Variants in TCF4 observed in about 807,000 individuals in gnomAD.
TCF4 encodes SL3-3 enhancer factor 2.
In TCF4, 3 loss-of-function variants were observed where a neutral mutation model predicts 82.1. That is an observed-to-expected ratio of 0.04 (90% confidence interval 0.02 to 0.09). The LOEUF is 0.09. Among genes scored for constraint, TCF4 ranks in the 10% least tolerant of loss-of-function variants. The probability of loss-of-function intolerance (pLI) is 1.00; values close to 1 mark genes in which losing one functional copy is unlikely to be tolerated. For synonymous variants in TCF4, 276 were observed against 309.6 expected (o/e 0.89, Z 1.14); for missense variants, 518 against 852.7 (o/e 0.61, Z 4.89).
At chr18:55,388,231 C>T (rs1569313497) in intron 6 of TCF4, among the ~76,000 whole-genome samples, 2 of 152,212 alleles carry the variant, frequency 1.3e-5, no homozygotes, top group Non-Finnish European at 2.9e-5. Flanking sequence ...TTCTCCCCAT[C>T]CTCTGCCAAG....
chr18:55,508,652 T>C (rs1228424508), intron 3 of TCF4, among the ~76,000 whole-genome samples: 1 of 152,192 alleles, frequency 6.6e-6, no homozygotes, highest in African/African-American at 2.4e-5. Flanking sequence ...GTGGTCGAGC[T>C]GAGATTTAGA....
chr18:55,451,480 C>T (rs2095622060), intron 5 of TCF4, among the ~76,000 whole-genome samples: 1 of 152,184 alleles, frequency 6.6e-6, no homozygotes, highest in Non-Finnish European at 1.5e-5. Flanking sequence ...CCCCTGAAGA[C>T]CTAGAATCCA....
At chr18:55,434,489 G>A (rs1168660612) in intron 5 of TCF4, among the ~76,000 whole-genome samples, 3 of 142,100 alleles carry the variant, frequency 2.1e-5, no homozygotes, top group Non-Finnish European at 4.5e-5. Context: ...GCGCGATCTC[G>A]GCTCACTGCA....
chr18:55,283,602 T>C (rs962763350), intron 8 of TCF4, among the ~76,000 whole-genome samples: 1 of 152,212 alleles, frequency 6.6e-6, no homozygotes, highest in African/African-American at 2.4e-5. Context: ...AAGGCTGACG[T>C]ATCATAAGAA....
chr18:55,388,888 C>A (rs2092825054), intron 6 of TCF4, among the ~76,000 whole-genome samples: 1 of 152,056 alleles, frequency 6.6e-6, no homozygotes, highest in East Asian at 1.9e-4. Context: ...CTTTGGGAGG[C>A]CGAGGCGGGT....
chr18:55,403,563 A>G, intron 5 of TCF4, 45 bp from the exon 6 acceptor site: 1 of 1,601,554 alleles, frequency 6.2e-7, no homozygotes, highest in Non-Finnish European at 8.5e-7. Context: ...GTTTTTCCTT[A>G]AAAAAAAATC....
intron 3 of TCF4, among the ~76,000 whole-genome samples, chr18:55,516,579 G>A (rs903291163): frequency 6.6e-6 from 1 of 152,160 alleles, no homozygotes. Context: ...TAGGAAACAC[G>A]ATGGTGAGCA....
At chr18:55,393,856 T>C (rs1473848476) in intron 6 of TCF4, among the ~76,000 whole-genome samples, 3 of 152,250 alleles carry the variant, frequency 2.0e-5, no homozygotes, top group Non-Finnish European at 2.9e-5. Flanking sequence ...GTCTGCAATA[T>C]GATCTTTGCA....
chr18:55,420,436 G>A (rs1332800340), intron 5 of TCF4, among the ~76,000 whole-genome samples: 3 of 152,048 alleles, frequency 2.0e-5, no homozygotes, highest in Non-Finnish European at 2.9e-5. Flanking sequence ...CTTCTAACCC[G>A]CTTTTGGAAA....
intron 8 of TCF4, among the ~76,000 whole-genome samples, chr18:55,317,635 G>T (rs2074478810): frequency 6.6e-6 from 1 of 152,004 alleles, no homozygotes; most frequent in Non-Finnish European, 1.5e-5. Context: ...TGATAAATGA[G>T]AAAAAGCTAC....
At chr18:55,329,189 C>T (rs1287616209) in intron 8 of TCF4, among the ~76,000 whole-genome samples, 3 of 152,212 alleles carry the variant, frequency 2.0e-5, no homozygotes, top group Non-Finnish European at 4.4e-5. Flanking sequence ...TCTAAGTTCC[C>T]TCAAGGCCAA....
intron 17 of TCF4, chr18:55,230,677 G>A (rs2047678422): frequency 6.6e-6 from 1 of 152,146 alleles, no homozygotes. Context: ...TTCGGAGTTG[G>A]AAGATGTGGG....
At chr18:55,541,925 A>C (rs1271311764) in intron 3 of TCF4, among the ~76,000 whole-genome samples, 1 of 151,934 alleles carries the variant, frequency 6.6e-6, no homozygotes, top group Non-Finnish European at 1.5e-5. Flanking sequence ...AAGAACAACT[A>C]ATACCACTGA....
At chr18:55,388,503 T>A (rs2092790533) in intron 6 of TCF4, among the ~76,000 whole-genome samples, 1 of 152,220 alleles carries the variant, frequency 6.6e-6, no homozygotes, top group Admixed American at 6.5e-5. Context: ...GATATACAGA[T>A]TGCTAGGTTC....
At chr18:55,538,024 GCGCACACA>G (rs1334472863) in intron 3 of TCF4, among the ~76,000 whole-genome samples, 4 of 125,610 alleles carry the variant, frequency 3.2e-5, no homozygotes, top group Non-Finnish European at 6.6e-5. Flanking sequence ...GTCTGCGCGC[GCGCACACA>G]CACACACACA....
intron 2 of TCF4, among the ~76,000 whole-genome samples, chr18:55,620,094 ATTC>A (rs1603625532): frequency 1.3e-5 from 2 of 152,072 alleles, no homozygotes; most frequent in Non-Finnish European, 2.9e-5. Flanking sequence ...TCCTGCATTC[ATTC>A]TTCTTCCTGC....
chr18:55,279,908 C>G (rs1254826055), intron 8 of TCF4, among the ~76,000 whole-genome samples: 2 of 152,182 alleles, frequency 1.3e-5, no homozygotes, highest in African/African-American at 2.4e-5. Flanking sequence ...TAAACCATGT[C>G]TAGTTGTAAA....
At chr18:55,244,110 T>A (rs898776953) in intron 15 of TCF4, among the ~76,000 whole-genome samples, 1 of 152,164 alleles carries the variant, frequency 6.6e-6, no homozygotes, top group Admixed American at 6.5e-5. Context: ...GCTAATAACC[T>A]CCAGCTCCCA....
chr18:55,515,088 A>G (rs914369507), intron 3 of TCF4, among the ~76,000 whole-genome samples: 4 of 152,190 alleles, frequency 2.6e-5, no homozygotes, highest in Non-Finnish European at 1.5e-5. Flanking sequence ...AGGAAAACAC[A>G]TAAACGTAAA....
Sources: gnomAD v4.1 joint callset for allele counts (sites outside exome capture counted in the v4.1 genomes callset) on GRCh38, gnomAD v4.1.1 for gene constraint, MANE v1.5 for transcripts, NCBI Gene and HGNC (gene_info 2026-07-23, HGNC 2026-07-21) for gene names.